Variants in ARID1B observed in about 807,000 individuals in gnomAD.
The protein encoded by ARID1B is AT-rich interactive domain-containing protein 1B.
In ARID1B, 30 loss-of-function variants were observed where a neutral mutation model predicts 212.3. The ratio of observed to expected loss-of-function variants is 0.14; its 90% CI spans 0.11 to 0.19. ARID1B has a LOEUF of 0.19. Among genes scored for constraint, ARID1B ranks in the 10% least tolerant of loss-of-function variants. The pLI is 1.00. For missense variants in ARID1B, 2,891 were observed against 3,204.0 expected (o/e 0.90, Z 2.36); for synonymous variants, 1,402 against 1,301.7 (o/e 1.08, Z -1.66).
intron 4 of ARID1B, among the ~76,000 whole-genome samples, chr6:157,049,757 G>A (rs979217920): frequency 2.6e-5 from 4 of 152,036 alleles, no homozygotes; most frequent in Non-Finnish European, 5.9e-5. Context: ...ATTTTAAGAA[G>A]TATTCTAAAA....
chr6:157,099,768 T>C (rs767849322), intron 5 of ARID1B, among the ~76,000 whole-genome samples: 2 of 151,934 alleles, frequency 1.3e-5, no homozygotes, highest in Admixed American at 6.6e-5. Context: ...GGGAGGAGAG[T>C]TGAAAAGCTT....
chr6:156,816,728 G>A (rs1781988562), intron 1 of ARID1B, among the ~76,000 whole-genome samples: 2 of 152,176 alleles, frequency 1.3e-5, no homozygotes, highest in African/African-American at 4.8e-5. Flanking sequence ...GTGTGCTCAG[G>A]CATCGGCTTG....
At position 156,778,912 on chromosome 6, in the gene ARID1B, G is replaced by GAGC; in HGVS notation, c.1235_1237dup (p.Ala412dup). ...AGCGGAGGAGGAGGAGGAGGAGGAG[G>GAGC]AGCAGGAGCAGGAGGAGCAGGAGCG... On this transcript the variant is annotated inframe_insertion, in exon 1 of 20. Coordinates refer to ENST00000636930, the MANE Select transcript of ARID1B (RefSeq NM_001374828.1). The GAGC allele has an allele frequency of 7.5e-7, 1 of 1,340,924 alleles. No homozygotes were observed. Among genetic ancestry groups the GAGC allele is most frequent in the Non-Finnish European group, 9.5e-7 (1 of 1,051,328 alleles). 83.1% of individuals were successfully genotyped at this position (1,340,924 alleles called of 1,614,324 possible).
intron 4 of ARID1B, among the ~76,000 whole-genome samples, chr6:157,021,691 G>A (rs1175748087): frequency 6.6e-6 from 1 of 152,150 alleles, no homozygotes. Context: ...TTCCTTTCCG[G>A]GCAAGCGCGG....
chr6:157,118,642 C>T (rs1291148889), intron 6 of ARID1B, among the ~76,000 whole-genome samples: 1 of 152,236 alleles, frequency 6.6e-6, no homozygotes, highest in Non-Finnish European at 1.5e-5. Flanking sequence ...AACTCTGCCT[C>T]TGTGCTAGAC....
At chr6:156,922,173 CTTTT>C (rs11386798) in intron 3 of ARID1B, among the ~76,000 whole-genome samples, 1 of 138,060 alleles carries the variant, frequency 7.2e-6, no homozygotes, top group African/African-American at 2.7e-5. Flanking sequence ...ATAGGTTGCC[CTTTT>C]TTTTTTTTTT....
intron 4 of ARID1B, among the ~76,000 whole-genome samples, chr6:157,028,053 C>CTGTG (rs1353957116): frequency 7.9e-5 from 12 of 152,112 alleles, no homozygotes; most frequent in African/African-American, 2.6e-4. Context: ...GCTTCATAAA[C>CTGTG]TGTGTGTGTA....
rs185729301 is a variant in ARID1B at position 157,113,575 on chromosome 6, C to T, written c.2581+3014C>T. ...TACAAACTTTTAAACAACCATATCT[C>T]GTGAGTTCTCATGAGGTAGCACTAG... is the stretch of plus-strand genomic sequence containing the variant. On this transcript the variant is annotated intron_variant, in intron 6 of 19. Transcript: ENST00000636930. Among the ~76,000 whole-genome samples the T allele has an allele frequency of 1.1e-4, 17 of 152,200 alleles. 1 individual carries two copies. Among genetic ancestry groups the T allele is most frequent in the Admixed American group, 8.5e-4 (13 of 15,290 alleles).
chr6:156,870,788 T>TTATATATA (rs1222032561), intron 2 of ARID1B, among the ~76,000 whole-genome samples: 1 of 152,076 alleles, frequency 6.6e-6, no homozygotes, highest in Non-Finnish European at 1.5e-5. Flanking sequence ...GTATTGCACA[T>TTATATATA]TATAGATATG....
chr6:156,892,827 T>C (rs1283188671), intron 2 of ARID1B, among the ~76,000 whole-genome samples: 2 of 152,182 alleles, frequency 1.3e-5, no homozygotes, highest in African/African-American at 2.4e-5. Flanking sequence ...AAAATAGTTC[T>C]TGATGGATGT....
rs1216041948 is a variant in ARID1B, at chr6:156,812,972, GTGTGTA to G, written c.1792-16251_1792-16246del. ...TGTGTGTGTGTGTGTGTGTGTGTGT[GTGTGTA>G]TGTATATACATACGTATGTATATAC... On this transcript the variant is annotated intron_variant, in intron 1 of 19. Coordinates refer to ENST00000636930, the MANE Select transcript of ARID1B (RefSeq NM_001374828.1). 7.1e-3 allele frequency among the ~76,000 whole-genome samples: 644 copies of G among 91,148 alleles called. 4 individuals are homozygous for G. The highest frequency in any genetic ancestry group is 0.025 in the African/African-American group (591 of 23,328). 59.8% of individuals were successfully genotyped at this position (91,148 alleles called of 152,430 possible).
intron 4 of ARID1B, among the ~76,000 whole-genome samples, chr6:156,952,083 G>A (rs763861370): frequency 5.3e-5 from 8 of 152,168 alleles, no homozygotes; most frequent in Non-Finnish European, 7.3e-5. Flanking sequence ...GTGTACCAGG[G>A]TGGAAACCCA....
chr6:156,807,143 C>CT (rs1429510093), intron 1 of ARID1B, among the ~76,000 whole-genome samples: 3 of 145,256 alleles, frequency 2.1e-5, no homozygotes, highest in African/African-American at 2.5e-5. Context: ...TGTGCACCCC[C>CT]CCACGCCCCA....
At chr6:156,945,392 AG>A (rs1483152920) in intron 4 of ARID1B, among the ~76,000 whole-genome samples, 1 of 151,676 alleles carries the variant, frequency 6.6e-6, no homozygotes, top group African/African-American at 2.4e-5. Flanking sequence ...AGGCAGTGGC[AG>A]AAGCCATGTC....
intron 5 of ARID1B, among the ~76,000 whole-genome samples, chr6:157,088,894 AC>A (rs950996058): frequency 4.6e-5 from 7 of 152,090 alleles, no homozygotes; most frequent in Non-Finnish European, 1.0e-4. Context: ...TGATACTCAA[AC>A]TGTCGAGCTA....
rs1224125330 is a variant in ARID1B, at chr6:157,040,313, CT to C, written c.2248-44348del. Among the ~76,000 whole-genome samples, 10 of 152,176 alleles carry C rather than the reference CT, an allele frequency of 6.6e-5. No individual in the cohort carries two copies. The East Asian group carries it at 1.9e-3, about 29-fold the overall frequency. On this transcript the variant is annotated intron_variant, in intron 4 of 19. Transcript: ENST00000636930. Reference sequence around the variant, plus strand: ...ACGCATTCACAATTGGTGTTTCTTCCTGTTTTTGTAAGCACTGGGAAAGGTA... The same window carrying C: ...ACGCATTCACAATTGGTGTTTCTTCCGTTTTTGTAAGCACTGGGAAAGGTA...
intron 4 of ARID1B, among the ~76,000 whole-genome samples, chr6:156,959,933 T>C (rs1302993306): frequency 2.0e-5 from 3 of 148,164 alleles, no homozygotes; most frequent in African/African-American, 5.0e-5. Context: ...TTCTTTTTTT[T>C]TTTTTTTTTT....
chr6:156,892,469 T>C (rs1187237514), intron 2 of ARID1B, among the ~76,000 whole-genome samples: 1 of 152,230 alleles, frequency 6.6e-6, no homozygotes, highest in Non-Finnish European at 1.5e-5. Context: ...ATGTGTGTTA[T>C]AGAATGATAA....
At chr6:157,112,041 G>C (rs1786964454) in intron 6 of ARID1B, among the ~76,000 whole-genome samples, 2 of 152,144 alleles carry the variant, frequency 1.3e-5, no homozygotes, top group African/African-American at 2.4e-5. Flanking sequence ...TACAATAATA[G>C]GTTTTTGAGG....
Sources: gnomAD v4.1 joint callset for allele counts (sites outside exome capture counted in the v4.1 genomes callset) on GRCh38, gnomAD v4.1.1 for gene constraint, MANE v1.5 for transcripts, NCBI Gene and HGNC (gene_info 2026-07-23, HGNC 2026-07-21) for gene names.